KRABD2: variants seen among roughly 807,000 people sequenced by gnomAD.
KRABD2 encodes KRAB domain-containing protein 2.
the KRABD2 span, among the ~76,000 whole-genome samples, chr17:8,364,964 G>A: frequency 1.3e-5 from 2 of 152,064 alleles, no homozygotes; most frequent in Admixed American, 6.5e-5. This position sits in a 1 kb window ranked among gnomAD's most constrained non-coding sequence, Gnocchi z 4.4. Context: ...AACCCGGGAG[G>A]TGGAGGTTGT....
the KRABD2 span, chr17:8,371,518 A>AT: frequency 1.2e-6 from 2 of 1,603,220 alleles, no homozygotes; most frequent in African/African-American, 2.7e-5. Context: ...AAGAGAGGGC[A>AT]CCAGGAATGA....
the KRABD2 span, among the ~76,000 whole-genome samples, chr17:8,370,910 T>A: frequency 6.6e-6 from 1 of 152,264 alleles, no homozygotes; most frequent in African/African-American, 2.4e-5. Context: ...GGCTCACGCC[T>A]GTAATCCCAG....
At chr17:8,370,107 C>T in the KRABD2 span, 1 of 1,614,060 alleles carries the variant, frequency 6.2e-7, no homozygotes, top group Middle Eastern at 1.6e-4. Flanking sequence ...TTTCTCTGTG[C>T]CCTGTACAGA....
At chr17:8,374,349 A>T in the KRABD2 span, among the ~76,000 whole-genome samples, 1 of 152,174 alleles carries the variant, frequency 6.6e-6, no homozygotes, top group Non-Finnish European at 1.5e-5. Context: ...TCTCTGAAAC[A>T]TGTGCTGTGT....
chr17:8,366,395 C>T, the KRABD2 span, among the ~76,000 whole-genome samples: 24 of 152,308 alleles, frequency 1.6e-4, no homozygotes, highest in African/African-American at 5.5e-4. Flanking sequence ...CCAACTCTTG[C>T]ATTTTGTTCC....
the KRABD2 span, chr17:8,369,152 G>A: frequency 4.1e-4 from 660 of 1,613,198 alleles, no homozygotes; most frequent in Non-Finnish European, 5.2e-4. Flanking sequence ...AGAGGAGACC[G>A]GAAGTCCCTT....
chr17:8,369,381 A>G, the KRABD2 span: 1 of 1,614,250 alleles, frequency 6.2e-7, no homozygotes, highest in Non-Finnish European at 8.5e-7. Flanking sequence ...ATAGCCAAAC[A>G]TTGCCTCAAA....
the KRABD2 span, among the ~76,000 whole-genome samples, chr17:8,362,254 C>T: frequency 9.9e-5 from 15 of 151,694 alleles, no homozygotes; most frequent in African/African-American, 1.5e-4. The surrounding 1 kb of genome is among the most constrained non-coding windows in gnomAD (Gnocchi z 4.2). Flanking sequence ...GGCGTGAACC[C>T]GGGAGGTGGA....
the KRABD2 span, chr17:8,370,223 A>C: frequency 1.2e-6 from 2 of 1,613,314 alleles, no homozygotes; most frequent in Non-Finnish European, 1.7e-6. Context: ...TTTCTTTGGA[A>C]AATACCTTGC....
the KRABD2 span, among the ~76,000 whole-genome samples, chr17:8,363,867 T>A: frequency 0.14 from 7,216 of 51,830 alleles, 303 homozygotes; most frequent in Admixed American, 0.18. Context: ...ATATATTTAT[T>A]TATTTATTTA....
the KRABD2 span, chr17:8,373,654 G>C: frequency 6.3e-6 from 1 of 159,974 alleles, no homozygotes; most frequent in African/African-American, 2.5e-5. Context: ...GATGTGAGGA[G>C]CCCCTGTGCC....
chr17:8,374,173 G>C, the KRABD2 span, among the ~76,000 whole-genome samples: 4 of 152,258 alleles, frequency 2.6e-5, no homozygotes, highest in Non-Finnish European at 4.4e-5. Context: ...TGGCGGTTGT[G>C]TCGAATAGAA....
the KRABD2 span, chr17:8,370,364 C>T: frequency 6.3e-7 from 1 of 1,579,964 alleles, no homozygotes; most frequent in Middle Eastern, 1.7e-4. Flanking sequence ...TCTGAGGCAT[C>T]ATGGAGAGCT....
chr17:8,373,135 C>G, the KRABD2 span, among the ~76,000 whole-genome samples: 1 of 104,308 alleles, frequency 9.6e-6, no homozygotes, highest in African/African-American at 3.6e-5. Flanking sequence ...CGGTCTCCCT[C>G]TCCCTCTCTC....
chr17:8,369,534 G>T, the KRABD2 span: 2 of 1,614,056 alleles, frequency 1.2e-6, no homozygotes, highest in Admixed American at 1.7e-5. Flanking sequence ...TCCTTCCAGG[G>T]AGCCCTGGCT....
At chr17:8,375,156 C>T in the KRABD2 span, among the ~76,000 whole-genome samples, 1 of 151,746 alleles carries the variant, frequency 6.6e-6, no homozygotes, top group African/African-American at 2.4e-5. Context: ...GGACTACAGG[C>T]ACCTGCCACC....
At chr17:8,369,496 T>A in the KRABD2 span, 2 of 1,613,916 alleles carry the variant, frequency 1.2e-6, no homozygotes, top group African/African-American at 2.7e-5. Context: ...ATCCAGGTAC[T>A]TATCATGTTC....
the KRABD2 span, among the ~76,000 whole-genome samples, chr17:8,374,742 C>T: frequency 4.0e-5 from 6 of 149,862 alleles, no homozygotes; most frequent in Non-Finnish European, 7.4e-5. Context: ...GTCAGGAGAT[C>T]GAGACCATCC....
At chr17:8,362,782 C>G in the KRABD2 span, among the ~76,000 whole-genome samples, 1 of 152,188 alleles carries the variant, frequency 6.6e-6, no homozygotes, top group Non-Finnish European at 1.5e-5. This position sits in a 1 kb window ranked among gnomAD's most constrained non-coding sequence, Gnocchi z 4.2. Flanking sequence ...GGCTTTGGCT[C>G]CTCTCAATGT....
Sources: gnomAD v4.1 joint callset for allele counts (sites outside exome capture counted in the v4.1 genomes callset) on GRCh38, gnomAD v4.1.1 for gene constraint, Gnocchi (gnomAD v3.1) non-coding constraint, MANE v1.5 for transcripts, NCBI Gene and HGNC (gene_info 2026-07-23, HGNC 2026-07-21) for gene names.